PIK3C2B: variants seen among roughly 807,000 people sequenced by gnomAD.
PIK3C2B encodes the protein phosphatidylinositol-4-phosphate 3-kinase catalytic subunit type 2 beta.
In PIK3C2B, 83 loss-of-function variants were observed where a neutral mutation model predicts 184.3. The observed-to-expected ratio is 0.45, with a 90% CI of 0.38 to 0.54. The LOEUF (loss-of-function observed/expected upper bound fraction) is 0.54, where lower values mean the gene tolerates loss of function less well. PIK3C2B is among the 20% of genes least tolerant of loss of function. The pLI, the probability that PIK3C2B is intolerant of heterozygous loss-of-function variation, is 0.00. For synonymous variants in PIK3C2B, 779 were observed against 837.6 expected (o/e 0.93, Z 1.21); for missense variants, 1,736 against 2,113.5 (o/e 0.82, Z 3.50).
chr1:204,439,745 C>G (rs1220317924), intron 22 of PIK3C2B, among the ~76,000 whole-genome samples: 2 of 152,190 alleles, frequency 1.3e-5, no homozygotes, highest in African/African-American at 2.4e-5. Flanking sequence ...AGCGATCCAT[C>G]TGCCTCAGCC....
chr1:204,490,047 T>C (rs1208316868), intron 1 of PIK3C2B: 1 of 397,090 alleles, frequency 2.5e-6, no homozygotes, highest in Non-Finnish European at 4.4e-6. Flanking sequence ...GTGAAACAAC[T>C]CTCTAATATT....
In PIK3C2B at chr1:204,449,928, C is replaced by T; in HGVS notation, c.2156G>A (p.Ser719Asn). Residue 719 changes from serine (S) to asparagine (N), a missense_variant, in exon 13 of 33, where the codon AGC (serine) becomes AAC (asparagine). Coordinates refer to ENST00000684373, the MANE Select transcript of PIK3C2B (RefSeq NM_001377334.1). ...CCGCTGCTTATTGGCCTCTGAGGAGCTCCCCGGTGGGGGGATGGGCAGAGC... is the reference window on the plus strand; with the variant it reads ...CCGCTGCTTATTGGCCTCTGAGGAGTTCCCCGGTGGGGGGATGGGCAGAGC... ...LYALPIPPPG[S>N]SSEANKQRRV... The T allele has an allele frequency of 6.2e-7, 1 of 1,613,578 alleles. No homozygotes were observed. The highest frequency in any genetic ancestry group is 8.5e-7 in the Non-Finnish European group (1 of 1,179,812).
At chr1:204,480,557 G>C (rs1010786769) in intron 1 of PIK3C2B, among the ~76,000 whole-genome samples, 1 of 152,118 alleles carries the variant, frequency 6.6e-6, no homozygotes, top group Non-Finnish European at 1.5e-5. Context: ...TACCCAGAAG[G>C]ATCACACACA....
At chr1:204,430,393 G>A (rs193030108) in intron 28 of PIK3C2B, among the ~76,000 whole-genome samples, 407 of 151,586 alleles carry the variant, frequency 2.7e-3, no homozygotes, top group Middle Eastern at 6.8e-3. Flanking sequence ...TCACCCAGGC[G>A]GGAGTACAGT....
Position 204,424,718 on chromosome 1 carries a change from G to A in PIK3C2B, c.*134C>T, listed in dbSNP as rs1222848590. The stretch of plus-strand genomic sequence containing the variant: ...ACTCTCCCTGCCTCCTACCACAGAG[G>A]CCAGAATCACCTGGACCGAGCTGGA... On this transcript the variant is annotated 3_prime_UTR_variant, in exon 33 of 33. Transcript: ENST00000684373. 1 of 853,820 alleles carries A rather than the reference G, an allele frequency of 1.2e-6. No individual in the cohort carries two copies. Among genetic ancestry groups the A allele is most frequent in the East Asian group, 2.4e-5 (1 of 41,550 alleles). 52.9% of individuals were successfully genotyped at this position (853,820 alleles called of 1,614,324 possible). A position where few individuals can be genotyped will look rare whatever the true frequency, so the allele number is the denominator to read the frequency against.
chr1:204,425,760 C>G lies in PIK3C2B; in HGVS notation c.4588-19G>C, dbSNP rs1333276001. 2 of 1,605,726 alleles carry G rather than the reference C, an allele frequency of 1.2e-6. No individual in the cohort carries two copies. The highest frequency in any genetic ancestry group is 1.7e-6 in the Non-Finnish European group (2 of 1,175,850). ...GCAGTTGCTACAATAGAATGAGAAC[C>G]AAAAAAATGTTAAGATTTTTAACAT... On this transcript the variant is annotated intron_variant, in intron 31 of 32. Coordinates refer to ENST00000684373, the MANE Select transcript of PIK3C2B (RefSeq NM_001377334.1).
At chr1:204,449,710 G>T (rs927972187) in intron 13 of PIK3C2B, 140 bp downstream of exon 13, 26 of 748,248 alleles carry the variant, frequency 3.5e-5, no homozygotes, top group Middle Eastern at 7.8e-4. Flanking sequence ...TCTGTGCTTG[G>T]GGATCCTCTG....
At chr1:204,426,666 G>A (rs548554394) in intron 31 of PIK3C2B, among the ~76,000 whole-genome samples, 25 of 152,260 alleles carry the variant, frequency 1.6e-4, no homozygotes, top group African/African-American at 6.0e-4. Context: ...CTGAGGGCAG[G>A]GATTTTGTTT....
intron 2 of PIK3C2B, among the ~76,000 whole-genome samples, chr1:204,467,747 A>G (rs1398781415): frequency 6.6e-6 from 1 of 150,398 alleles, no homozygotes; most frequent in Non-Finnish European, 1.5e-5. Context: ...AGGCAGGAGA[A>G]TCTCTTGAAC....
At chr1:204,434,063 GA>G in intron 24 of PIK3C2B, 114 bp from the exon 25 acceptor site, 1 of 801,268 alleles carries the variant, frequency 1.2e-6, no homozygotes, top group Admixed American at 2.3e-5. Context: ...ACACTGGATA[GA>G]AGGGGCTCTA....
At chr1:204,475,534 G>A (rs1002227298) in intron 1 of PIK3C2B, among the ~76,000 whole-genome samples, 3 of 152,144 alleles carry the variant, frequency 2.0e-5, no homozygotes, top group Non-Finnish European at 4.4e-5. Context: ...TGTAGGTGGT[G>A]TGCTCCTTAG....
intron 1 of PIK3C2B, among the ~76,000 whole-genome samples, chr1:204,486,394 CA>C (rs34149363): frequency 0.52 from 44,394 of 86,070 alleles, 7,003 homozygotes; most frequent in Middle Eastern, 0.62. Context: ...GACTCAGTCT[CA>C]AAAAAAAAAA....
chr1:204,481,841 G>A (rs539540809), intron 1 of PIK3C2B, among the ~76,000 whole-genome samples: 16 of 152,302 alleles, frequency 1.1e-4, no homozygotes, highest in African/African-American at 2.2e-4. Context: ...TAAAGAAGCC[G>A]TGGGGTCCCC....
At position 204,454,803 on chromosome 1, in the gene PIK3C2B, A is replaced by G. The variant is rs773662540; in HGVS notation, c.1944-12T>C. 4 of 1,608,392 alleles carry G rather than the reference A, an allele frequency of 2.5e-6. No homozygotes were observed. The highest frequency in any genetic ancestry group is 3.4e-6 in the Non-Finnish European group (4 of 1,179,654). ...AGAAATCTTCATAGCTATAAAAGAAAGGGAGCAGGTCAGGACACCCAGCTC... is the reference window on the plus strand; with the variant it reads ...AGAAATCTTCATAGCTATAAAAGAAGGGGAGCAGGTCAGGACACCCAGCTC... On this transcript the variant is annotated splice_polypyrimidine_tract_variant and intron_variant, in intron 11 of 32. Coordinates refer to ENST00000684373, the MANE Select transcript of PIK3C2B (RefSeq NM_001377334.1).
chr1:204,454,055 G>A (rs11240746), intron 12 of PIK3C2B, among the ~76,000 whole-genome samples: 107,836 of 151,824 alleles, frequency 0.71, 39,951 homozygotes, highest in Non-Finnish European at 0.82. Context: ...GATTACAAGC[G>A]TAAGCCACCG....
intron 10 of PIK3C2B, among the ~76,000 whole-genome samples, 164 bp downstream of exon 10, chr1:204,456,873 A>AACACACACACAC (rs747482741): frequency 1.1e-4 from 15 of 141,602 alleles, no homozygotes; most frequent in East Asian, 2.1e-4. Context: ...CTCATATAGG[A>AACACACACACAC]ACACACACAC....
chr1:204,424,876 T>G lies in PIK3C2B; in HGVS notation c.4881A>C (p.Gly1627=). The G allele has an allele frequency of 1.9e-6, 3 of 1,614,080 alleles. No homozygotes were observed. Among genetic ancestry groups the G allele is most frequent in the Non-Finnish European group, 2.5e-6 (3 of 1,179,994 alleles). Residue 1627 remains glycine (G), a synonymous_variant, in exon 33 of 33, where the codon GGA becomes GGC. Transcript: ENST00000684373. ...AQEKTGWFAL[G]SRSHGTL The stretch of plus-strand genomic sequence containing the variant: ...CTCACAAGGTGCCATGACTTCGAGA[T>G]CCCAGGGCGAACCAGCCGGTCTTCT...
At chr1:204,468,707 C>A (rs1462491023) in intron 2 of PIK3C2B, among the ~76,000 whole-genome samples, 163 bp downstream of exon 2, 1 of 152,218 alleles carries the variant, frequency 6.6e-6, no homozygotes, top group Non-Finnish European at 1.5e-5. Flanking sequence ...CCTAATCAAG[C>A]CTCCCCTGGA....
chr1:204,457,076 G>C lies in PIK3C2B; in HGVS notation c.1714-6C>G. 1 of 1,560,916 alleles carries C rather than the reference G, an allele frequency of 6.4e-7. No individual in the cohort carries two copies. Among genetic ancestry groups the C allele is most frequent in the Non-Finnish European group, 8.7e-7 (1 of 1,151,260 alleles). On this transcript the variant is annotated splice_region_variant and splice_polypyrimidine_tract_variant and intron_variant, in intron 9 of 32. Transcript: ENST00000684373. ...ACAGCCAAGACACTGGGATCCTGTT[G>C]GGAAAAAGAAGAGGGAGGGGAGCTT...
Sources: allele counts gnomAD v4.1 joint callset (sites outside exome capture counted in the v4.1 genomes callset), GRCh38; gene constraint gnomAD v4.1.1; transcripts MANE v1.5; gene names NCBI Gene and HGNC (gene_info 2026-07-23, HGNC 2026-07-21).